PLPPR1: variants seen among roughly 807,000 people sequenced by gnomAD.
PLPPR1 encodes the protein phospholipid phosphatase-related protein type 1.
Under a neutral mutation model 33.1 loss-of-function variants are expected in PLPPR1, and 10 were observed. The observed-to-expected ratio is 0.30, with a 90% CI of 0.19 to 0.51. PLPPR1 has a LOEUF of 0.51. PLPPR1 is among the 20% of genes least tolerant of loss of function. PLPPR1 has a pLI of 0.97. For missense variants in PLPPR1, 304 were observed against 408.1 expected (o/e 0.74, Z 2.20); for synonymous variants, 151 against 151.0 (o/e 1.00, Z 0.00).
chr9:101,261,591 C>T (rs1827900000), intron 2 of PLPPR1, among the ~76,000 whole-genome samples: 1 of 152,116 alleles, frequency 6.6e-6, no homozygotes, highest in East Asian at 1.9e-4. Flanking sequence ...GTCATGGAAT[C>T]AACCTAAATG....
At chr9:101,139,410 C>G (rs1180449388) in intron 1 of PLPPR1, among the ~76,000 whole-genome samples, 1 of 152,218 alleles carries the variant, frequency 6.6e-6, no homozygotes, top group Middle Eastern at 3.4e-3. Context: ...ACTAGTTGGT[C>G]CTCAGAAACT....
At position 101,265,825 on chromosome 9, in the gene PLPPR1, T is replaced by C. The variant is rs150968642; in HGVS notation, c.64-4055T>C. Among the ~76,000 whole-genome samples, 995 of 151,774 alleles carry C rather than the reference T, an allele frequency of 6.6e-3. 10 individuals are homozygous for C. Among genetic ancestry groups the C allele is most frequent in the African/African-American group, 0.023 (944 of 41,374 alleles). On this transcript the variant is annotated intron_variant, in intron 2 of 7. Coordinates refer to ENST00000374874, the MANE Select transcript of PLPPR1 (RefSeq NM_207299.2). Reference sequence around the variant, plus strand: ...GCCTGGCCAACATAGTGAAACCCCGTCTCTACTAAAAATACAAAAAATTAG... The same window carrying C: ...GCCTGGCCAACATAGTGAAACCCCGCCTCTACTAAAAATACAAAAAATTAG...
At chr9:101,158,231 C>G (rs1831722325) in intron 1 of PLPPR1, among the ~76,000 whole-genome samples, 1 of 151,840 alleles carries the variant, frequency 6.6e-6, no homozygotes. Context: ...ATTACAACCT[C>G]AAAGCACTAT....
At chr9:101,181,856 ATATATATAT>A in intron 1 of PLPPR1, among the ~76,000 whole-genome samples, 1 of 147,482 alleles carries the variant, frequency 6.8e-6, no homozygotes, top group East Asian at 2.0e-4. Context: ...GCATGTGTGT[ATATATATAT>A]ATACACACAC....
At chr9:101,291,633 G>A (rs1273438384) in intron 4 of PLPPR1, among the ~76,000 whole-genome samples, 2 of 152,178 alleles carry the variant, frequency 1.3e-5, no homozygotes, top group Non-Finnish European at 1.5e-5. Context: ...CGCAGTTTAC[G>A]AAAATCCGCT....
At chr9:101,092,090 C>A (rs1830748673) in intron 1 of PLPPR1, among the ~76,000 whole-genome samples, 1 of 152,152 alleles carries the variant, frequency 6.6e-6, no homozygotes. Flanking sequence ...TCATCTTCCT[C>A]CAGCACAACA....
chr9:101,176,937 C>A (rs1283818147), intron 1 of PLPPR1, among the ~76,000 whole-genome samples: 1 of 152,114 alleles, frequency 6.6e-6, no homozygotes, highest in African/African-American at 2.4e-5. Context: ...AGCCATCATG[C>A]AAATGCTTCA....
chr9:101,060,997 C>T (rs1830340563), intron 1 of PLPPR1, among the ~76,000 whole-genome samples: 1 of 151,804 alleles, frequency 6.6e-6, no homozygotes, highest in African/African-American at 2.4e-5. Flanking sequence ...CAAACTAATC[C>T]TAGTGTCTCA....
intron 1 of PLPPR1, among the ~76,000 whole-genome samples, chr9:101,097,425 C>T (rs995300971): frequency 5.3e-5 from 8 of 152,234 alleles, no homozygotes; most frequent in African/African-American, 1.9e-4. Flanking sequence ...TCTACAGGAG[C>T]ACATGTAACA....
intron 4 of PLPPR1, among the ~76,000 whole-genome samples, chr9:101,305,817 C>A (rs772653601): frequency 6.6e-6 from 1 of 152,054 alleles, no homozygotes. Context: ...TGTGCTGAGT[C>A]CATAGCAGGA....
chr9:101,133,546 C>T (rs1177066509), intron 1 of PLPPR1, among the ~76,000 whole-genome samples: 1 of 150,428 alleles, frequency 6.6e-6, no homozygotes, highest in Non-Finnish European at 1.5e-5. Flanking sequence ...ATCTACTATA[C>T]ATGATATTTA....
At chr9:101,120,824 G>T (rs2118593297) in intron 1 of PLPPR1, among the ~76,000 whole-genome samples, 1 of 152,268 alleles carries the variant, frequency 6.6e-6, no homozygotes, top group East Asian at 1.9e-4. Context: ...AGAATTTAGT[G>T]ACTTTTTCTT....
intron 2 of PLPPR1, among the ~76,000 whole-genome samples, chr9:101,269,274 A>G (rs1828052358): frequency 6.6e-6 from 1 of 152,202 alleles, no homozygotes; most frequent in Admixed American, 6.5e-5. Flanking sequence ...TCCTTGACTT[A>G]CTGGCAGAAA....
chr9:101,063,398 TTG>T (rs1830369291), intron 1 of PLPPR1, among the ~76,000 whole-genome samples: 1 of 151,976 alleles, frequency 6.6e-6, no homozygotes, highest in Non-Finnish European at 1.5e-5. Context: ...AGTGGAGAGG[TTG>T]TGAGTACCCT....
intron 3 of PLPPR1, among the ~76,000 whole-genome samples, chr9:101,283,414 G>A (rs1466333337): frequency 6.6e-6 from 1 of 152,156 alleles, no homozygotes; most frequent in Non-Finnish European, 1.5e-5. Context: ...AATGGGAAAA[G>A]GTCAGTCCAT....
chr9:101,289,781 T>G (rs567868252), intron 4 of PLPPR1, among the ~76,000 whole-genome samples: 15 of 152,380 alleles, frequency 9.8e-5, no homozygotes, highest in African/African-American at 3.6e-4. Context: ...TCATTAAACC[T>G]CTTTGCTTTG....
At chr9:101,048,812 A>G (rs534842160) in intron 1 of PLPPR1, among the ~76,000 whole-genome samples, 1 of 152,374 alleles carries the variant, frequency 6.6e-6, no homozygotes, top group South Asian at 2.1e-4. Flanking sequence ...CCCATAGGCA[A>G]TGATGCCTTA....
chr9:101,038,734 C>G (rs190584285), intron 1 of PLPPR1, among the ~76,000 whole-genome samples: 1 of 152,240 alleles, frequency 6.6e-6, no homozygotes, highest in East Asian at 1.9e-4. Context: ...GGATTTCTGG[C>G]GCATTGAAAT....
At chr9:101,106,279 G>C (rs1167970154) in intron 1 of PLPPR1, among the ~76,000 whole-genome samples, 1 of 136,404 alleles carries the variant, frequency 7.3e-6, no homozygotes, top group African/African-American at 2.9e-5. Context: ...TTTTGCAGCG[G>C]CTGGTACCGG....
Sources: gnomAD v4.1 joint callset for allele counts (sites outside exome capture counted in the v4.1 genomes callset) on GRCh38, gnomAD v4.1.1 for gene constraint, MANE v1.5 for transcripts, NCBI Gene and HGNC (gene_info 2026-07-23, HGNC 2026-07-21) for gene names.